GDF1: variants seen among roughly 807,000 people sequenced by gnomAD.
GDF1 encodes embryonic growth/differentiation factor 1.
GDF1 carries 8 observed loss-of-function variants against 7.4 expected under a neutral mutation model. The observed-to-expected ratio is 1.09, with a 90% CI of 0.64 to 1.96. The LOEUF is 1.96. GDF1 is among the 30% of genes most tolerant of loss of function. The pLI is 0.00. For missense variants in GDF1, 574 were observed against 551.5 expected (o/e 1.04, Z -0.41); for synonymous variants, 311 against 276.7 (o/e 1.12, Z -1.23).
intron 3 of GDF1, 92 bp downstream of exon 3, chr19:18,883,995 T>A: frequency 1.5e-6 from 2 of 1,374,374 alleles, no homozygotes; most frequent in Non-Finnish European, 2.0e-6. Context: ...TGTGATCCCC[T>A]CCACGGCCTC....
chr19:18,890,249 C>T (rs961891848), intron 2 of GDF1, among the ~76,000 whole-genome samples: 1 of 152,208 alleles, frequency 6.6e-6, no homozygotes, highest in East Asian at 1.9e-4. Flanking sequence ...CTGCCCCTCC[C>T]CACCTCCCCA....
chr19:18,878,781 T>G lies in GDF1; in HGVS notation c.-313+149A>C. On this transcript the variant is annotated intron_variant, in intron 6 of 7. Coordinates refer to ENST00000247005, the MANE Select transcript of GDF1 (RefSeq NM_001492.6). This position sits in a 1 kb window ranked among gnomAD's most constrained non-coding sequence, Gnocchi z 4.6. ...GGTACTGGCCACATCGTCCACGCCT[T>G]TATTGCAGTCTCTGTTTTGGAGTAG... 1 of 1,456,262 alleles carries G rather than the reference T, an allele frequency of 6.9e-7. No homozygotes were observed. The highest frequency in any genetic ancestry group is 1.4e-5 in the South Asian group (1 of 72,408). 90.2% of individuals were successfully genotyped at this position (1,456,262 alleles called of 1,614,324 possible). A position where few individuals can be genotyped will look rare whatever the true frequency, so the allele number is the denominator to read the frequency against.
chr19:18,882,837 C>T (rs190188532), intron 3 of GDF1, among the ~76,000 whole-genome samples: 3 of 151,800 alleles, frequency 2.0e-5, no homozygotes, highest in Non-Finnish European at 4.4e-5. Flanking sequence ...GGACTACAGG[C>T]GCCCACCACC....
intron 2 of GDF1, among the ~76,000 whole-genome samples, chr19:18,885,806 G>A (rs59108958): frequency 0.012 from 1,869 of 151,926 alleles, 40 homozygotes; most frequent in African/African-American, 0.043. Context: ...GGCGTGAGCC[G>A]CTGCGCCCGG....
chr19:18,877,949 C>T, intron 6 of GDF1: 3 of 980,608 alleles, frequency 3.1e-6, no homozygotes, highest in Non-Finnish European at 3.6e-6. Context: ...GTTTCATCTA[C>T]ACCCAAGGCG....
At chr19:18,886,912 C>T (rs113659915) in intron 2 of GDF1, among the ~76,000 whole-genome samples, 15 of 152,342 alleles carry the variant, frequency 9.8e-5, no homozygotes, top group African/African-American at 3.6e-4. Context: ...CACATCTCTC[C>T]AGCGATCCCT....
chr19:18,889,202 C>G (rs144294545), intron 2 of GDF1, among the ~76,000 whole-genome samples: 11 of 152,098 alleles, frequency 7.2e-5, no homozygotes, highest in African/African-American at 2.6e-4. Flanking sequence ...CACTTCAGCC[C>G]TCTTCCAGAA....
chr19:18,868,852 C>G lies in GDF1; in HGVS notation c.864G>C (p.Pro288=). ...EVGWHRWVIA[P]RGFLANYCQG... ...GGCAGTAGTTGGCCAGGAAGCCGCG[C>G]GGCGCGATGACCCAGCGGTGCCAGC... The change falls in exon 8 of 8, where the codon CCG becomes CCC. Residue 288 remains proline (P), a synonymous_variant. Transcript: ENST00000247005. The G allele has an allele frequency of 6.9e-7, 1 of 1,446,796 alleles. No individual in the cohort carries two copies. Among genetic ancestry groups the G allele is most frequent in the Non-Finnish European group, 9.2e-7 (1 of 1,092,020 alleles). 89.6% of individuals were successfully genotyped at this position (1,446,796 alleles called of 1,614,324 possible).
rs906480809 is a variant in GDF1, at chr19:18,870,939, G to T, written c.-312-320C>A. Among the ~76,000 whole-genome samples the T allele has an allele frequency of 2.0e-5, 3 of 152,032 alleles. No individual in the cohort carries two copies. The highest frequency in any genetic ancestry group is 1.5e-5 in the Non-Finnish European group (1 of 68,014). On this transcript the variant is annotated intron_variant, in intron 6 of 7. Transcript: ENST00000247005. This position sits in a 1 kb window ranked among gnomAD's most constrained non-coding sequence, Gnocchi z 5.1. ...CGCTGGAGGGCAAAACCCACGTACC[G>T]GCCTGGGCCTGACAACTCCACCGCC... is the stretch of plus-strand genomic sequence containing the variant.
rs932283451 is a variant in GDF1, at chr19:18,870,832, C to CCCCTGGCA, written c.-312-221_-312-214dup. Among the ~76,000 whole-genome samples, 2 of 152,120 alleles carry CCCCTGGCA rather than the reference C, an allele frequency of 1.3e-5. No individual in the cohort carries two copies. Among genetic ancestry groups the CCCCTGGCA allele is most frequent in the Non-Finnish European group, 2.9e-5 (2 of 68,010 alleles). ...ACCTGCCCCGTAGGCACGTATGTCC[C>CCCCTGGCA]CCCTGGCACCCTGGCACTTCCTCCT... On this transcript the variant is annotated intron_variant, in intron 6 of 7. Transcript: ENST00000247005. This position sits in a 1 kb window ranked among gnomAD's most constrained non-coding sequence, Gnocchi z 5.1.
Position 18,879,405 on chromosome 19 carries a change from C to G in GDF1, c.-570-17G>C. 6.4e-7 allele frequency: 1 copy of G among 1,553,864 alleles called. No individual in the cohort carries two copies. Among genetic ancestry groups the G allele is most frequent in the South Asian group, 1.2e-5 (1 of 84,250 alleles). ...AACCAGAACCTGCGGTGGGAGGAGTCAGGAGGCCGTGGGTGGAGGGGGACG... is the reference window on the plus strand; with the variant it reads ...AACCAGAACCTGCGGTGGGAGGAGTGAGGAGGCCGTGGGTGGAGGGGGACG... On this transcript the variant is annotated splice_polypyrimidine_tract_variant and intron_variant, in intron 4 of 7. Transcript: ENST00000247005.
At chr19:18,884,502 G>T (rs1482980604) in intron 2 of GDF1, among the ~76,000 whole-genome samples, 1 of 151,496 alleles carries the variant, frequency 6.6e-6, no homozygotes, top group African/African-American at 2.4e-5. Flanking sequence ...CCACATCCTG[G>T]GTTCAAACGA....
In GDF1 at chr19:18,870,065, C is replaced by A; in HGVS notation, c.243G>T (p.Thr81=). ...ACGGTTGCAGGGTGACCCCTGGGGA[C>A]GTCCGCCGCGAGCCAGACCTGGTCT... ...PQETRSGSRR[T]SPGVTLQPCH... Residue 81 remains threonine, a synonymous_variant, in exon 7 of 8, where the codon ACG becomes ACT. Transcript: ENST00000247005. This position sits in a 1 kb window ranked among gnomAD's most constrained non-coding sequence, Gnocchi z 5.1. 6.3e-7 allele frequency: 1 copy of A among 1,583,596 alleles called. No individual in the cohort carries two copies. The highest frequency in any genetic ancestry group is 8.5e-7 in the Non-Finnish European group (1 of 1,169,924).
chr19:18,869,266 AC>A lies in GDF1; in HGVS notation c.449del (p.Arg150LeufsTer16). ...ERPSRARLEL[R>X]FAAAAAAAPE... is the part of the protein sequence containing the mutation. ...GGGCTGCCGCCGCCGCCGCCGCGAA[AC>A]GCAGCTCCAGGCGGGCCCGGCTCGG... On this transcript the variant is annotated frameshift_variant, in exon 8 of 8. Coordinates refer to ENST00000247005, the MANE Select transcript of GDF1 (RefSeq NM_001492.6). LOFTEE classifies it low-confidence loss of function (END_TRUNC). 1 of 1,472,042 alleles carries A rather than the reference AC, an allele frequency of 6.8e-7. No homozygotes were observed. Among genetic ancestry groups the A allele is most frequent in the Non-Finnish European group, 8.9e-7 (1 of 1,122,012 alleles). The allele number at this position is 1,472,042 out of a possible 1,614,324, so 91.2% of individuals were successfully genotyped here.
At chr19:18,872,408 C>T (rs932477868) in intron 6 of GDF1, among the ~76,000 whole-genome samples, 3 of 152,128 alleles carry the variant, frequency 2.0e-5, no homozygotes, top group Non-Finnish European at 4.4e-5. Context: ...AGTGCAGTGG[C>T]GCAATCTTGG....
rs1568289162 is a variant in GDF1, at chr19:18,868,618, C to CA, written c.1097dup (p.Asp367GlyfsTer?). 1 of 1,567,380 alleles carries CA rather than the reference C, an allele frequency of 6.4e-7. No homozygotes were observed. Among genetic ancestry groups the CA allele is most frequent in the Admixed American group, 1.9e-5 (1 of 53,720 alleles). The stretch of plus-strand genomic sequence containing the variant: ...CGGGTTAGCGGCAGCCGCACTCGTC[C>CA]ACCACCATGTCCTCATACTGCCGCA... On this transcript the variant is annotated frameshift_variant, in exon 8 of 8. Transcript: ENST00000247005. LOFTEE classifies it high-confidence loss of function.
At chr19:18,884,412 A>C in intron 2 of GDF1, 145 bp from the exon 3 acceptor site, 2 of 714,664 alleles carry the variant, frequency 2.8e-6, no homozygotes, top group South Asian at 2.3e-5. Flanking sequence ...TCCATTCCCA[A>C]TTCTATTTTT....
intron 2 of GDF1, among the ~76,000 whole-genome samples, chr19:18,889,227 G>A (rs969813615): frequency 3.3e-5 from 5 of 151,960 alleles, no homozygotes; most frequent in Non-Finnish European, 5.9e-5. Flanking sequence ...AATGAAAATT[G>A]TCTGAAACTC....
chr19:18,871,963 G>A (rs1043636959), intron 6 of GDF1, among the ~76,000 whole-genome samples: 16 of 152,344 alleles, frequency 1.1e-4, no homozygotes, highest in African/African-American at 3.4e-4. Flanking sequence ...TTTGGTATAA[G>A]GTGGGGGTTT....
Sources: allele counts gnomAD v4.1 joint callset (sites outside exome capture counted in the v4.1 genomes callset), GRCh38; gene constraint gnomAD v4.1.1; non-coding constraint Gnocchi (gnomAD v3.1); transcripts MANE v1.5; gene names NCBI Gene and HGNC (gene_info 2026-07-23, HGNC 2026-07-21).